PLBD1: variants seen among roughly 807,000 people sequenced by gnomAD.
The protein encoded by PLBD1 is phospholipase B domain containing 1, also known as lysosomal leucine aminopeptidase.
Under a neutral mutation model 63.0 loss-of-function variants are expected in PLBD1, and 60 were observed. The observed-to-expected ratio is 0.95, with a 90% CI of 0.77 to 1.18. The LOEUF (loss-of-function observed/expected upper bound fraction) is 1.18. Among genes scored for constraint, PLBD1 ranks in the 50% most tolerant of loss-of-function variants. The probability of loss-of-function intolerance (pLI) is 0.00; values close to 1 mark genes in which losing one functional copy is unlikely to be tolerated. For missense variants in PLBD1, 598 were observed against 677.9 expected, an observed-to-expected ratio of 0.88 and a Z score of 1.31; for synonymous variants, 262 against 248.0, an observed-to-expected ratio of 1.06 and a Z score of -0.53.
intron 1 of PLBD1, 23 bp from the exon 2 acceptor site, chr12:14,553,435 C>T (rs745865248): frequency 6.4e-7 from 1 of 1,570,870 alleles, no homozygotes; most frequent in East Asian, 2.2e-5. Context: ...GGAATAATGA[C>T]AAAAACGCCA....
At chr12:14,519,298 C>T (rs2136910157) in intron 6 of PLBD1, among the ~76,000 whole-genome samples, 1 of 152,244 alleles carries the variant, frequency 6.6e-6, no homozygotes, top group East Asian at 1.9e-4. Flanking sequence ...TGGGCAAACT[C>T]TAATTCAACA....
intron 2 of PLBD1, among the ~76,000 whole-genome samples, chr12:14,552,643 G>A (rs770610841): frequency 1.3e-5 from 2 of 152,188 alleles, no homozygotes; most frequent in Non-Finnish European, 2.9e-5. Flanking sequence ...GCTCACACCT[G>A]TAATTCCAAC....
intron 4 of PLBD1, among the ~76,000 whole-genome samples, chr12:14,537,148 G>T (rs767713895): frequency 6.6e-6 from 1 of 151,154 alleles, no homozygotes; most frequent in African/African-American, 2.4e-5. Flanking sequence ...TAACAGGTAC[G>T]CTAGATTTTT....
In PLBD1 at chr12:14,506,307, A is replaced by C. The variant is rs558568180; in HGVS notation, c.1373-39T>G. 8.0e-5 allele frequency: 112 copies of C among 1,407,284 alleles called. No individual in the cohort carries two copies. In the East Asian group the frequency reaches 2.2e-3, roughly 27 times the overall value. 87.2% of individuals were successfully genotyped at this position (1,407,284 alleles called of 1,614,324 possible). On this transcript the variant is annotated intron_variant, in intron 9 of 10. Coordinates refer to ENST00000240617, the MANE Select transcript of PLBD1 (RefSeq NM_024829.6). ...ATGGGGAAGAGAGTGATTATTGGCTATTTGGAGACACACTTCTCCACAGTA... is the reference window on the plus strand; with the variant it reads ...ATGGGGAAGAGAGTGATTATTGGCTCTTTGGAGACACACTTCTCCACAGTA...
chr12:14,566,296 A>G (rs1245957936), intron 1 of PLBD1, among the ~76,000 whole-genome samples: 1 of 152,132 alleles, frequency 6.6e-6, no homozygotes, highest in Non-Finnish European at 1.5e-5. Flanking sequence ...CACAGACTGG[A>G]AAGATTTAAG....
intron 10 of PLBD1, among the ~76,000 whole-genome samples, chr12:14,505,537 T>A (rs1218209537): frequency 1.3e-5 from 2 of 152,220 alleles, no homozygotes; most frequent in African/African-American, 4.8e-5. Context: ...ACTGACTGGT[T>A]TGAAGCCATC....
At chr12:14,509,821 C>T (rs1288868866) in intron 8 of PLBD1, among the ~76,000 whole-genome samples, 3 of 152,256 alleles carry the variant, frequency 2.0e-5, no homozygotes, top group African/African-American at 7.2e-5. Context: ...ATTTCTAAAA[C>T]ATAAAGTCTG....
intron 6 of PLBD1, among the ~76,000 whole-genome samples, chr12:14,516,803 CAG>C (rs1006211733): frequency 6.6e-6 from 1 of 152,040 alleles, no homozygotes; most frequent in African/African-American, 2.4e-5. Flanking sequence ...CTTTGGCAGG[CAG>C]AGGAGGGCGG....
Position 14,553,265 on chromosome 12 carries a change from T to C in PLBD1, c.263A>G (p.Tyr88Cys), listed in dbSNP as rs1321830882. The change falls in exon 2 of 11, where the codon TAT becomes TGT. Residue 88 changes from tyrosine (Y) to cysteine (C), a missense_variant. Tyr to Cys is a radical substitution (Grantham distance 194). Transcript: ENST00000240617. ...GWGILEIRAGYGSQTLSNEII... is the reference protein window; with the variant it reads ...GWGILEIRAGCGSQTLSNEII... ...CTCATTGCTCAGGGTTTGAGAGCCA[T>C]AGCCAGCTCTGATCTCCAGGATGCC... The C allele has an allele frequency of 1.2e-6, 2 of 1,614,044 alleles. No homozygotes were observed. The highest frequency in any genetic ancestry group is 1.7e-6 in the Non-Finnish European group (2 of 1,180,036).
chr12:14,553,523 A>G, intron 1 of PLBD1, 111 bp from the exon 2 acceptor site: 13 of 884,620 alleles, frequency 1.5e-5, no homozygotes, highest in Non-Finnish European at 2.3e-5. Flanking sequence ...TTTCCATTCT[A>G]TTAGAATTGG....
At chr12:14,559,738 TATAA>T (rs1565581713) in intron 1 of PLBD1, among the ~76,000 whole-genome samples, 1 of 152,166 alleles carries the variant, frequency 6.6e-6, no homozygotes, top group African/African-American at 2.4e-5. Context: ...TATTTTTTTC[TATAA>T]ATAAAGATGG....
intron 2 of PLBD1, among the ~76,000 whole-genome samples, chr12:14,550,858 GC>G (rs1434899020): frequency 1.3e-5 from 2 of 149,286 alleles, no homozygotes; most frequent in African/African-American, 4.9e-5. Context: ...AGCCTGGGCA[GC>G]AAGAGTGAAA....
chr12:14,533,716 CAG>C (rs1236032870), intron 6 of PLBD1, among the ~76,000 whole-genome samples: 1 of 152,198 alleles, frequency 6.6e-6, no homozygotes, highest in African/African-American at 2.4e-5. Flanking sequence ...CAGTCTAACT[CAG>C]AGAGAGGAGT....
chr12:14,536,493 A>T, intron 5 of PLBD1, 77 bp downstream of exon 5: 1 of 1,484,328 alleles, frequency 6.7e-7, no homozygotes, highest in Non-Finnish European at 9.2e-7. Flanking sequence ...GGGTGATGAG[A>T]TGTTGCTATA....
intron 1 of PLBD1, among the ~76,000 whole-genome samples, chr12:14,557,553 C>T (rs139582410): frequency 0.011 from 1,639 of 152,216 alleles, 113 homozygotes; most frequent in Admixed American, 0.096. Flanking sequence ...AGCAAACTAA[C>T]GTAGGAACAG....
At chr12:14,562,507 C>CTG (rs1191229041) in intron 1 of PLBD1, among the ~76,000 whole-genome samples, 4 of 148,632 alleles carry the variant, frequency 2.7e-5, no homozygotes, top group African/African-American at 9.8e-5. Context: ...ATTATGTTAT[C>CTG]TGTGTAGACA....
chr12:14,515,497 G>A (rs1373539833), intron 6 of PLBD1, among the ~76,000 whole-genome samples: 2 of 148,104 alleles, frequency 1.4e-5, no homozygotes, highest in Admixed American at 6.7e-5. Context: ...TTTTTTTCTT[G>A]GTTCTACCTT....
chr12:14,551,996 T>C (rs139518473), intron 2 of PLBD1, among the ~76,000 whole-genome samples: 3 of 152,286 alleles, frequency 2.0e-5, no homozygotes, highest in East Asian at 1.9e-4. Flanking sequence ...AAAAATTGGG[T>C]ATAAAAATAA....
At chr12:14,527,438 A>C (rs1209801761) in intron 6 of PLBD1, among the ~76,000 whole-genome samples, 1 of 152,202 alleles carries the variant, frequency 6.6e-6, no homozygotes, top group Non-Finnish European at 1.5e-5. Flanking sequence ...TACCACACTT[A>C]AAAATCACTG....
Sources: allele counts gnomAD v4.1 joint callset (sites outside exome capture counted in the v4.1 genomes callset), GRCh38; gene constraint gnomAD v4.1.1; transcripts MANE v1.5; gene names NCBI Gene and HGNC (gene_info 2026-07-23, HGNC 2026-07-21).